The following CLDN16 variants were observed in gnomAD, a reference collection of about 807,000 sequenced individuals.
CLDN16 encodes the protein claudin-16.
CLDN16 carries 13 observed loss-of-function variants against 24.6 expected under a neutral mutation model. That is an observed-to-expected ratio of 0.53 (90% CI 0.34 to 0.84). The LOEUF is 0.84. Among genes scored for constraint, CLDN16 ranks in the 40% least tolerant of loss-of-function variants. The pLI is 0.01. For missense variants in CLDN16, 298 were observed against 292.7 expected, an observed-to-expected ratio of 1.02 and a Z score of -0.13; for synonymous variants, 116 against 106.7, an observed-to-expected ratio of 1.09 and a Z score of -0.54.
At position 190,409,217 on chromosome 3, in the gene CLDN16, C is replaced by CACGTATATGCATGTATATATGCACAT. The variant is rs1367927759; in HGVS notation, c.575-661_575-660insTACGTATATGCATGTATATATGCACA. Among the ~76,000 whole-genome samples the CACGTATATGCATGTATATATGCACAT allele has an allele frequency of 4.9e-3, 738 of 151,956 alleles. 7 individuals carry two copies. The highest frequency in any genetic ancestry group is 0.017 in the African/African-American group (717 of 41,426). ...ACGTATATGCATGTATATATGCACA[C>CACGTATATGCATGTATATATGCACAT]ACGTATATGCATGTATATATGCACA... On this transcript the variant is annotated intron_variant, in intron 4 of 4. Transcript: ENST00000264734.
chr3:190,324,831 T>A (rs1397587692), intron 1 of CLDN16, among the ~76,000 whole-genome samples: 1 of 152,186 alleles, frequency 6.6e-6, no homozygotes, highest in Non-Finnish European at 1.5e-5. Context: ...TGGCTCAGCA[T>A]AAATCTATCA....
chr3:190,365,908 T>C (rs149557911), intron 1 of CLDN16, among the ~76,000 whole-genome samples: 2 of 151,986 alleles, frequency 1.3e-5, no homozygotes, highest in East Asian at 2.0e-4. Flanking sequence ...AGTGGGTATA[T>C]GTTGCCTTGC....
upstream of CLDN16, chr3:190,322,015 G>T (rs752054405): frequency 1.9e-6 from 3 of 1,614,088 alleles, no homozygotes; most frequent in Admixed American, 5.0e-5. Flanking sequence ...CAAAGACTTT[G>T]CACTGGATCT....
In CLDN16 at chr3:190,324,448, AC is replaced by A. The variant is rs373807985; in HGVS notation, n.121+1788del. Among the ~76,000 whole-genome samples the A allele has an allele frequency of 5.9e-5, 9 of 152,298 alleles. No individual in the cohort carries two copies. The East Asian group carries it at 1.4e-3, about 23-fold the overall frequency. On this transcript the variant is annotated intron_variant and non_coding_transcript_variant, in intron 1 of 4. Coordinates refer to the CLDN16 transcript ENST00000468220. The stretch of plus-strand genomic sequence containing the variant: ...CAGTGAGCCCAGATCGTGCCACTGC[AC>A]TCCAGCCTGGGCAACAGACCAAGAC...
upstream of CLDN16, among the ~76,000 whole-genome samples, chr3:190,320,903 T>G (rs533162466): frequency 6.6e-6 from 1 of 152,342 alleles, no homozygotes; most frequent in South Asian, 2.1e-4. Context: ...GAATCATTAT[T>G]ATCTAAGTAA....
the CLDN16 span, among the ~76,000 whole-genome samples, chr3:190,292,154 C>A: frequency 6.6e-6 from 1 of 152,228 alleles, no homozygotes; most frequent in Non-Finnish European, 1.5e-5. Context: ...AGCAGAGGTT[C>A]TCCATGAGGG....
intron 1 of CLDN16, among the ~76,000 whole-genome samples, chr3:190,395,860 A>G (rs1395284579): frequency 6.6e-6 from 1 of 152,064 alleles, no homozygotes; most frequent in Non-Finnish European, 1.5e-5. Context: ...TGCTGTGTAT[A>G]TTTACTCTCT....
At chr3:190,339,872 T>C (rs1327684484) in intron 1 of CLDN16, among the ~76,000 whole-genome samples, 1 of 152,166 alleles carries the variant, frequency 6.6e-6, no homozygotes, top group East Asian at 1.9e-4. Flanking sequence ...CAAGAAAAAC[T>C]ATAGGACAAT....
chr3:190,337,276 C>T (rs1017619071), intron 1 of CLDN16, among the ~76,000 whole-genome samples: 2 of 152,098 alleles, frequency 1.3e-5, no homozygotes, highest in African/African-American at 4.8e-5. Flanking sequence ...GATAGCTTGG[C>T]CTGAACAAAG....
At chr3:190,304,679 GGGTAAATGGGGTTTTT>G in the CLDN16 span, among the ~76,000 whole-genome samples, 3 of 152,084 alleles carry the variant, frequency 2.0e-5, no homozygotes, top group African/African-American at 7.2e-5. Flanking sequence ...GGCAGGCTGG[GGGTAAATGGGGTTTTT>G]GGGAAATGAG....
At chr3:190,296,186 C>T in the CLDN16 span, among the ~76,000 whole-genome samples, 5 of 152,310 alleles carry the variant, frequency 3.3e-5, no homozygotes, top group Admixed American at 3.3e-4. Context: ...GCATAATATA[C>T]ATAAACATAT....
intron 1 of CLDN16, among the ~76,000 whole-genome samples, chr3:190,327,651 A>G (rs1376855709): frequency 6.6e-6 from 1 of 152,198 alleles, no homozygotes; most frequent in Non-Finnish European, 1.5e-5. Flanking sequence ...ACGCTATCCT[A>G]CACCTGAAGC....
chr3:190,385,697 G>T (rs1387310416), upstream of CLDN16, among the ~76,000 whole-genome samples: 1 of 151,922 alleles, frequency 6.6e-6, no homozygotes, highest in Non-Finnish European at 1.5e-5. Context: ...TCTGATATTT[G>T]GATTTGGGAC....
chr3:190,337,994 T>C (rs74334983), intron 1 of CLDN16, among the ~76,000 whole-genome samples: 10,722 of 152,194 alleles, frequency 0.07, 563 homozygotes, highest in African/African-American at 0.14. Context: ...AGATGATGCC[T>C]GTAGATGGAG....
Position 190,410,076 on chromosome 3 carries a change from ATCAG to A in CLDN16, c.*42_*45del, listed in dbSNP as rs1719236391. On this transcript the variant is annotated 3_prime_UTR_variant, in exon 5 of 5. Coordinates refer to ENST00000264734, the MANE Select transcript of CLDN16 (RefSeq NM_006580.4). ...GGTGTGTTTGCATATGATTTAATCA[ATCAG>A]TATGGTTACATTGATAAAATAGTAA... 3 of 1,607,398 alleles carry A rather than the reference ATCAG, an allele frequency of 1.9e-6. No homozygotes were observed. In the East Asian group the frequency reaches 6.7e-5, roughly 36 times the overall value.
At chr3:190,379,251 T>G (rs1718308286) in intron 3 of CLDN16, among the ~76,000 whole-genome samples, 1 of 152,082 alleles carries the variant, frequency 6.6e-6, no homozygotes, top group African/African-American at 2.4e-5. Flanking sequence ...ATTTTTCTAT[T>G]AAAATGATTA....
intron 3 of CLDN16, among the ~76,000 whole-genome samples, chr3:190,377,955 G>T (rs1003736346): frequency 1.3e-5 from 2 of 151,898 alleles, no homozygotes; most frequent in Non-Finnish European, 2.9e-5. Context: ...CAGAAATCTA[G>T]CAGAGAAAGA....
chr3:190,309,649 A>G, the CLDN16 span, among the ~76,000 whole-genome samples: 1 of 152,228 alleles, frequency 6.6e-6, no homozygotes, highest in East Asian at 1.9e-4. Context: ...CCAATTTTAC[A>G]GTTGTGAAAG....
At chr3:190,292,462 T>C in the CLDN16 span, among the ~76,000 whole-genome samples, 3 of 152,224 alleles carry the variant, frequency 2.0e-5, no homozygotes, top group Admixed American at 2.0e-4. Context: ...TCTGGGCCTA[T>C]GATGGAAAGG....
Sources: gnomAD v4.1 joint callset for allele counts (sites outside exome capture counted in the v4.1 genomes callset) on GRCh38, gnomAD v4.1.1 for gene constraint, MANE v1.5 for transcripts, NCBI Gene and HGNC (gene_info 2026-07-23, HGNC 2026-07-21) for gene names.